MYH10: variants seen among roughly 807,000 people sequenced by gnomAD.
The protein encoded by MYH10 is myosin-10.
A neutral mutation model predicts 257.8 loss-of-function variants in MYH10; 55 were observed. The observed-to-expected ratio is 0.21, with a 90% CI of 0.17 to 0.27. The LOEUF (loss-of-function observed/expected upper bound fraction) is 0.27, where lower values mean the gene tolerates loss of function less well. Among genes scored for constraint, MYH10 ranks in the 10% least tolerant of loss-of-function variants. The pLI, the probability that MYH10 is intolerant of heterozygous loss-of-function variation, is 1.00. For missense variants in MYH10, 1,631 were observed against 2,500.6 expected (o/e 0.65, Z 7.42); for synonymous variants, 854 against 921.7 (o/e 0.93, Z 1.33).
At position 8,626,974 on chromosome 17, in the gene MYH10, T is replaced by C. The variant is rs1165834298; in HGVS notation, c.-32+3680A>G. Among the ~76,000 whole-genome samples the C allele has an allele frequency of 2.0e-5, 3 of 152,194 alleles. No homozygotes were observed. The East Asian group carries it at 5.8e-4, about 29-fold the overall frequency. On this transcript the variant is annotated intron_variant, in intron 1 of 42. Coordinates refer to ENST00000360416, the MANE Select transcript of MYH10 (RefSeq NM_001256012.3). ...AGGTCTAGAAGCAGTAGATTATATA[T>C]CTTAAAATTATTTTATCAAATTGGG...
At chr17:8,581,704 G>C (rs1277917093) in intron 4 of MYH10, among the ~76,000 whole-genome samples, 1 of 152,182 alleles carries the variant, frequency 6.6e-6, no homozygotes, top group East Asian at 1.9e-4. Context: ...ACATAGGGTT[G>C]TTGAAGAAAA....
chr17:8,585,922 T>C (rs552154454), intron 4 of MYH10, among the ~76,000 whole-genome samples: 103 of 152,320 alleles, frequency 6.8e-4, no homozygotes, highest in African/African-American at 2.4e-3. Context: ...CTATCTACAA[T>C]TGAACTTGAA....
At chr17:8,605,435 T>C (rs1055676865) in intron 2 of MYH10, among the ~76,000 whole-genome samples, 1 of 152,086 alleles carries the variant, frequency 6.6e-6, no homozygotes, top group African/African-American at 2.4e-5. Flanking sequence ...TCCACAATTA[T>C]CTAAAAAGGG....
rs1255395063 is a variant in MYH10 at position 8,504,236 on chromosome 17, T to A, written c.3599+458A>T. Reference sequence around the variant, plus strand: ...GCGTGCACCAGCCTTCTTCTCACCCTTGTGAAGGCACCCTTCCCTTTTCAG... The same window carrying A: ...GCGTGCACCAGCCTTCTTCTCACCCATGTGAAGGCACCCTTCCCTTTTCAG... On this transcript the variant is annotated intron_variant, in intron 28 of 42. Coordinates refer to ENST00000360416, the MANE Select transcript of MYH10 (RefSeq NM_001256012.3). The surrounding 1 kb of genome is among the most constrained non-coding windows in gnomAD (Gnocchi z 5.6). Among the ~76,000 whole-genome samples the A allele has an allele frequency of 6.6e-6, 1 of 152,128 alleles. No individual in the cohort carries two copies. The highest frequency in any genetic ancestry group is 1.5e-5 in the Non-Finnish European group (1 of 68,012).
intron 2 of MYH10, among the ~76,000 whole-genome samples, chr17:8,608,801 G>A (rs1420504583): frequency 1.3e-5 from 2 of 151,582 alleles, no homozygotes; most frequent in Non-Finnish European, 2.9e-5. Flanking sequence ...CTCTGTCTAT[G>A]ATTGGGAAAT....
chr17:8,522,711 G>A (rs563928661), intron 17 of MYH10, among the ~76,000 whole-genome samples: 22 of 152,116 alleles, frequency 1.4e-4, no homozygotes, highest in Non-Finnish European at 2.1e-4. Flanking sequence ...AGTTCACACC[G>A]TTGCTACACC....
At chr17:8,554,491 A>G (rs182646715) in intron 7 of MYH10, among the ~76,000 whole-genome samples, 1 of 143,970 alleles carries the variant, frequency 6.9e-6, no homozygotes, top group Admixed American at 7.2e-5. Context: ...TTATTTCTTT[A>G]AAAATGCTGG....
At chr17:8,598,365 C>G (rs2084465394) in intron 3 of MYH10, among the ~76,000 whole-genome samples, 1 of 152,182 alleles carries the variant, frequency 6.6e-6, no homozygotes, top group Non-Finnish European at 1.5e-5. Context: ...AAACATTTGT[C>G]TAGTCTGTCT....
At position 8,509,813 on chromosome 17, in the gene MYH10, T is replaced by C. The variant is rs1488175717; in HGVS notation, c.3089A>G (p.Lys1030Arg). 1.2e-6 allele frequency: 2 copies of C among 1,606,798 alleles called. No individual in the cohort carries two copies. Among genetic ancestry groups the C allele is most frequent in the South Asian group, 1.1e-5 (1 of 89,918 alleles). The change falls in exon 25 of 43, where the codon AAA becomes AGA. Residue 1030 changes from lysine (K) to arginine (R), a missense_variant and splice_region_variant. Transcript: ENST00000360416. Reference sequence around the variant, plus strand: ...CTTTTTGTGGGAACACTCTCTTACTTTGATGAACTTGGAATTTTGGTCCTC... The same window carrying C: ...CTTTTTGTGGGAACACTCTCTTACTCTGATGAACTTGGAATTTTGGTCCTC... ...LLEDQNSKFI[K>R]EKKLMEDRIA... is the part of the protein sequence containing the mutation.
chr17:8,610,730 C>T (rs572842764), intron 2 of MYH10, among the ~76,000 whole-genome samples: 6 of 152,258 alleles, frequency 3.9e-5, no homozygotes, highest in Admixed American at 6.5e-5. Flanking sequence ...GGAATGATGC[C>T]GCAAGAAGGC....
chr17:8,582,606 G>A (rs1246956650), intron 4 of MYH10, among the ~76,000 whole-genome samples: 2 of 152,200 alleles, frequency 1.3e-5, no homozygotes, highest in African/African-American at 2.4e-5. Context: ...AAGCACATTC[G>A]GACACAAAAG....
At chr17:8,554,205 T>C in intron 7 of MYH10, 187 bp from the exon 8 acceptor site, 1 of 405,462 alleles carries the variant, frequency 2.5e-6, no homozygotes, top group Non-Finnish European at 4.5e-6. Flanking sequence ...AGCAACAGAA[T>C]AGGCTATTTT....
At chr17:8,501,212 G>A (rs1917455540) in intron 28 of MYH10, among the ~76,000 whole-genome samples, 1 of 152,064 alleles carries the variant, frequency 6.6e-6, no homozygotes, top group Admixed American at 6.5e-5. Flanking sequence ...TGGATCGCTT[G>A]AGCCTGGGAG....
chr17:8,593,425 AAAAC>A (rs71361808), intron 3 of MYH10, among the ~76,000 whole-genome samples: 103,409 of 150,838 alleles, frequency 0.69, 35,489 homozygotes, highest in East Asian at 0.77. Context: ...ACAATACACA[AAAAC>A]AAACAAACAA....
At position 8,605,511 on chromosome 17, in the gene MYH10, C is replaced by T. The variant is rs918101614; in HGVS notation, c.346-529G>A. On this transcript the variant is annotated intron_variant, in intron 2 of 42. Transcript: ENST00000360416. ...CTGTAATCCCAGCACTTTGAGAGGC[C>T]GAGGAGGGTGGATCACAAGGTCAGG... Among the ~76,000 whole-genome samples, 17 of 152,064 alleles carry T rather than the reference C, an allele frequency of 1.1e-4. No homozygotes were observed. The South Asian group carries it at 2.1e-3, about 19-fold the overall frequency.
At chr17:8,498,490 C>T (rs1917012151) in intron 30 of MYH10, among the ~76,000 whole-genome samples, 1 of 152,112 alleles carries the variant, frequency 6.6e-6, no homozygotes, top group Non-Finnish European at 1.5e-5. Context: ...ATGGATTTTT[C>T]GGGTCTAAGG....
At chr17:8,573,654 G>A (rs915574799) in intron 6 of MYH10, among the ~76,000 whole-genome samples, 1 of 152,192 alleles carries the variant, frequency 6.6e-6, no homozygotes, top group African/African-American at 2.4e-5. Context: ...CACAGAAGCT[G>A]TACTTGCAGT....
intron 7 of MYH10, among the ~76,000 whole-genome samples, chr17:8,557,811 T>C (rs1412356788): frequency 1.3e-5 from 2 of 152,204 alleles, no homozygotes; most frequent in Admixed American, 6.5e-5. Context: ...ACTCTGGACA[T>C]GAGTCTAACA....
At chr17:8,520,012 T>C (rs2151901132) in intron 19 of MYH10, among the ~76,000 whole-genome samples, 1 of 152,298 alleles carries the variant, frequency 6.6e-6, no homozygotes, top group Admixed American at 6.5e-5. Flanking sequence ...CGCATGTGTG[T>C]GCACATGTAT....
Sources: allele counts gnomAD v4.1 joint callset (sites outside exome capture counted in the v4.1 genomes callset), GRCh38; gene constraint gnomAD v4.1.1; non-coding constraint Gnocchi (gnomAD v3.1); transcripts MANE v1.5; gene names NCBI Gene and HGNC (gene_info 2026-07-23, HGNC 2026-07-21).